AGBL1: variants seen among roughly 807,000 people sequenced by gnomAD.
The protein encoded by AGBL1 is AGBL carboxypeptidase 1.
In AGBL1, 130 loss-of-function variants were observed where a neutral mutation model predicts 118.9. The ratio of observed to expected loss-of-function variants is 1.09; its 90% CI spans 0.95 to 1.26. The LOEUF (loss-of-function observed/expected upper bound fraction) is 1.26, where lower values mean the gene tolerates loss of function less well. Among genes scored for constraint, AGBL1 ranks in the 50% most tolerant of loss-of-function variants. The pLI is 0.00. For synonymous variants in AGBL1, 555 were observed against 478.9 expected (o/e 1.16, Z -2.08); for missense variants, 1,584 against 1,298.1 (o/e 1.22, Z -3.38).
intron 22 of AGBL1, among the ~76,000 whole-genome samples, chr15:86,773,876 C>G (rs535463707): frequency 1.3e-5 from 2 of 152,074 alleles, no homozygotes; most frequent in East Asian, 3.9e-4. Context: ...TATACCAGCT[C>G]CACAGGAAAG....
intron 18 of AGBL1, among the ~76,000 whole-genome samples, chr15:86,448,465 A>T (rs2082154322): frequency 6.6e-6 from 1 of 152,208 alleles, no homozygotes; most frequent in Admixed American, 6.5e-5. Flanking sequence ...AGGCTACATG[A>T]ATTACTGATC....
intron 18 of AGBL1, among the ~76,000 whole-genome samples, chr15:86,413,284 A>G (rs186759275): frequency 6.6e-6 from 1 of 152,348 alleles, no homozygotes; most frequent in East Asian, 1.9e-4. Context: ...CTGAATCTCC[A>G]TTACATGCAA....
chr15:86,355,758 G>C (rs2080703407), intron 17 of AGBL1, among the ~76,000 whole-genome samples: 1 of 152,270 alleles, frequency 6.6e-6, no homozygotes, highest in African/African-American at 2.4e-5. Flanking sequence ...CAGGTGAAGG[G>C]GGGCATGAGG....
At position 86,485,530 on chromosome 15, in the gene AGBL1, ATAAC is replaced by A. The variant is rs927562690; in HGVS notation, c.2556-37276_2556-37273del. On this transcript the variant is annotated intron_variant, in intron 18 of 22. Transcript: ENST00000614907. ...TATAGTACAGAAGCAGCCACAGACA[ATAAC>A]TAAAAAAATGGGTATGGCTATGTTA... 2.6e-5 allele frequency among the ~76,000 whole-genome samples: 4 copies of A among 152,274 alleles called. No individual in the cohort carries two copies. In the South Asian group the frequency reaches 6.2e-4, roughly 24 times the overall value.
At chr15:86,629,233 A>G (rs2084930858) in intron 21 of AGBL1, among the ~76,000 whole-genome samples, 2 of 152,226 alleles carry the variant, frequency 1.3e-5, no homozygotes, top group Non-Finnish European at 1.5e-5. Flanking sequence ...GAAGATAAAG[A>G]TTGGTTGGAG....
At chr15:86,386,743 G>A (rs1027869678) in intron 17 of AGBL1, among the ~76,000 whole-genome samples, 2 of 152,054 alleles carry the variant, frequency 1.3e-5, no homozygotes, top group African/African-American at 4.8e-5. Context: ...CCTCAAGCCT[G>A]GGACCTTCAT....
chr15:86,408,316 C>G (rs1483649107), intron 18 of AGBL1, among the ~76,000 whole-genome samples: 1 of 152,168 alleles, frequency 6.6e-6, no homozygotes, highest in East Asian at 1.9e-4. Flanking sequence ...AATTCTCATT[C>G]CAAGGTTTCA....
chr15:86,815,951 G>T (rs1294352968), intron 22 of AGBL1, among the ~76,000 whole-genome samples: 2 of 152,208 alleles, frequency 1.3e-5, no homozygotes, highest in Non-Finnish European at 2.9e-5. Context: ...CGTTGTTCAT[G>T]CTTTAGACCT....
At chr15:86,294,466 A>AT (rs563471397) in intron 16 of AGBL1, among the ~76,000 whole-genome samples, 5,054 of 140,254 alleles carry the variant, frequency 0.036, 174 homozygotes, top group East Asian at 0.17. Context: ...TGGCTATTTC[A>AT]TTTTTTTTTT....
chr15:86,414,088 C>T (rs780962057), intron 18 of AGBL1, among the ~76,000 whole-genome samples: 4 of 152,016 alleles, frequency 2.6e-5, no homozygotes, highest in Non-Finnish European at 5.9e-5. Context: ...AAGACAAATA[C>T]TGTATGTTCT....
chr15:86,787,739 G>A (rs1294028634), intron 22 of AGBL1, among the ~76,000 whole-genome samples: 1 of 152,052 alleles, frequency 6.6e-6, no homozygotes, highest in Non-Finnish European at 1.5e-5. Context: ...TGTCTTTTGG[G>A]GATATGTCCA....
chr15:86,341,308 T>C (rs12916544), intron 17 of AGBL1, among the ~76,000 whole-genome samples: 119,598 of 151,968 alleles, frequency 0.79, 47,854 homozygotes, highest in African/African-American at 0.86. Context: ...TTTATGGGGG[T>C]CTTTTTGTTT....
chr15:86,586,911 T>C (rs941291971), intron 21 of AGBL1, among the ~76,000 whole-genome samples: 1 of 152,096 alleles, frequency 6.6e-6, no homozygotes, highest in Non-Finnish European at 1.5e-5. Context: ...GGTTGAAAAG[T>C]AGGCCACAAT....
intron 1 of AGBL1, chr15:86,083,404 C>G (rs952979922): frequency 4.6e-5 from 7 of 152,198 alleles, no homozygotes; most frequent in Non-Finnish European, 1.0e-4. Context: ...TCAGCTTTGG[C>G]ACACTCTGCA....
chr15:86,735,670 T>TATATATATATA (rs1567147468), intron 22 of AGBL1, among the ~76,000 whole-genome samples: 1 of 116,594 alleles, frequency 8.6e-6, no homozygotes, highest in African/African-American at 3.8e-5. Context: ...ATATATATAT[T>TATATATATATA]TTATTTGTCT....
chr15:86,789,628 A>C (rs887897379), intron 22 of AGBL1, among the ~76,000 whole-genome samples: 1 of 152,166 alleles, frequency 6.6e-6, no homozygotes, highest in African/African-American at 2.4e-5. Flanking sequence ...GCCAACCTGG[A>C]TTGCCACAGT....
At chr15:86,524,579 C>T (rs541712301) in intron 19 of AGBL1, among the ~76,000 whole-genome samples, 27 of 152,250 alleles carry the variant, frequency 1.8e-4, no homozygotes, top group East Asian at 5.8e-4. Context: ...AAATATCCTA[C>T]GTGGCTGATC....
chr15:86,356,027 G>T (rs1304719168), intron 17 of AGBL1, among the ~76,000 whole-genome samples: 1 of 152,152 alleles, frequency 6.6e-6, no homozygotes, highest in Non-Finnish European at 1.5e-5. Flanking sequence ...TGGGCAGTAT[G>T]TGTGCACTCC....
chr15:87,009,935 A>C (rs2081541483), intron 24 of AGBL1, among the ~76,000 whole-genome samples: 1 of 152,186 alleles, frequency 6.6e-6, no homozygotes, highest in African/African-American at 2.4e-5. Context: ...TTTTGATTTT[A>C]CATGCTCATA....
Sources: allele counts gnomAD v4.1 joint callset (sites outside exome capture counted in the v4.1 genomes callset), GRCh38; gene constraint gnomAD v4.1.1; transcripts MANE v1.5; gene names NCBI Gene and HGNC (gene_info 2026-07-23, HGNC 2026-07-21).